Variants in ARHGAP21 observed in about 807,000 individuals in gnomAD.
The protein encoded by ARHGAP21 is Rho GTPase activating protein 21.
A neutral mutation model predicts 164.6 loss-of-function variants in ARHGAP21; 38 were observed. The observed-to-expected ratio is 0.23, with a 90% CI of 0.18 to 0.30. The LOEUF is 0.30. ARHGAP21 is among the 10% of genes least tolerant of loss of function. ARHGAP21 has a pLI of 1.00. For synonymous variants in ARHGAP21, 766 were observed against 857.9 expected, an observed-to-expected ratio of 0.89 and a Z score of 1.87; for missense variants, 1,822 against 2,370.7, an observed-to-expected ratio of 0.77 and a Z score of 4.81.
At chr10:24,630,773 G>A (rs1010027453) in intron 6 of ARHGAP21, among the ~76,000 whole-genome samples, 1 of 152,142 alleles carries the variant, frequency 6.6e-6, no homozygotes. Flanking sequence ...GATTACAGGC[G>A]TGAGCCACTG....
At chr10:24,601,017 T>TG (rs1307883013) in intron 13 of ARHGAP21, 87 bp from the exon 14 acceptor site, 2 of 1,442,904 alleles carry the variant, frequency 1.4e-6, no homozygotes, top group Non-Finnish European at 1.9e-6. Context: ...ACCCTTCCTC[T>TG]GCATTTACAT....
At chr10:24,591,544 C>A in intron 23 of ARHGAP21, 98 bp downstream of exon 23, 4 of 1,465,226 alleles carry the variant, frequency 2.7e-6, no homozygotes, top group Non-Finnish European at 3.8e-6. Context: ...GGGCGCAAAG[C>A]GGACAATAGC....
At chr10:24,603,327 G>A (rs1452289761) in intron 12 of ARHGAP21, among the ~76,000 whole-genome samples, 1 of 152,166 alleles carries the variant, frequency 6.6e-6, no homozygotes, top group East Asian at 1.9e-4. Context: ...GAATACCAGC[G>A]AGGGCTCTAG....
intron 2 of ARHGAP21, among the ~76,000 whole-genome samples, chr10:24,720,207 G>A (rs1443787254): frequency 7.2e-6 from 1 of 138,216 alleles, no homozygotes; most frequent in Non-Finnish European, 1.5e-5. Context: ...GCTAGCCAAG[G>A]ACAAGATGTG....
intron 3 of ARHGAP21, among the ~76,000 whole-genome samples, chr10:24,667,517 A>G (rs1396793001): frequency 6.6e-6 from 1 of 152,198 alleles, no homozygotes; most frequent in Non-Finnish European, 1.5e-5. Context: ...TCAATTTTGA[A>G]GTTTATCTAC....
Position 24,619,903 on chromosome 10 carries a change from C to T in ARHGAP21, c.1992G>A (p.Gln664=). 1 of 1,614,190 alleles carries T rather than the reference C, an allele frequency of 6.2e-7. No homozygotes were observed. Among genetic ancestry groups the T allele is most frequent in the Non-Finnish European group, 8.5e-7 (1 of 1,180,042 alleles). The change falls in exon 9 of 26, where the codon CAG becomes CAA. Residue 664 remains glutamine, a synonymous_variant. Transcript: ENST00000396432. ...GGGCACTGTCAGTCCTTACCCATGT[C>T]TGCTGATTCAACAGACTGTTCTGAT... The part of the protein sequence containing the change: ...HLHQNSLLNQ[Q]TWVRTDSAPD...
At chr10:24,614,361 A>T (rs2077387591) in intron 9 of ARHGAP21, among the ~76,000 whole-genome samples, 1 of 152,234 alleles carries the variant, frequency 6.6e-6, no homozygotes, top group South Asian at 2.1e-4. Flanking sequence ...TTATGTAAAC[A>T]TATAAAACAT....
At chr10:24,622,021 T>A (rs1268825603) in intron 8 of ARHGAP21, among the ~76,000 whole-genome samples, 3 of 152,196 alleles carry the variant, frequency 2.0e-5, no homozygotes, top group Non-Finnish European at 4.4e-5. Flanking sequence ...TCGTTCTGTA[T>A]ATAATTTATA....
At chr10:24,603,901 C>T (rs2076916268) in intron 12 of ARHGAP21, among the ~76,000 whole-genome samples, 1 of 152,006 alleles carries the variant, frequency 6.6e-6, no homozygotes, top group South Asian at 2.1e-4. Flanking sequence ...GAGGCTGAGG[C>T]AGGAGAATCG....
chr10:24,685,870 A>G (rs544438925), intron 2 of ARHGAP21, among the ~76,000 whole-genome samples: 1 of 152,212 alleles, frequency 6.6e-6, no homozygotes, highest in Admixed American at 6.5e-5. Flanking sequence ...ACTCACTAAC[A>G]TTATTTTCAA....
intron 2 of ARHGAP21, among the ~76,000 whole-genome samples, chr10:24,718,292 C>T (rs760160717): frequency 1.3e-5 from 2 of 152,174 alleles, no homozygotes; most frequent in African/African-American, 2.4e-5. Context: ...GATGAGTTTG[C>T]AATGCCTGGG....
chr10:24,659,052 T>C (rs1225995303), intron 4 of ARHGAP21, among the ~76,000 whole-genome samples: 1 of 152,180 alleles, frequency 6.6e-6, no homozygotes, highest in East Asian at 1.9e-4. Context: ...TTGGAGAGGA[T>C]GTACAGAAAT....
chr10:24,595,096 AAAATAT>A lies in ARHGAP21; in HGVS notation c.3786+15_3786+20del. On this transcript the variant is annotated intron_variant, in intron 20 of 25. Coordinates refer to ENST00000396432, the MANE Select transcript of ARHGAP21 (RefSeq NM_020824.4). ...AGGCTGAATTTTAGTTGTATCCCCC[AAAATAT>A]AAAATAATACCTACTAGTCTTTTTA... 1 of 1,607,340 alleles carries A rather than the reference AAAATAT, an allele frequency of 6.2e-7. No homozygotes were observed. The highest frequency in any genetic ancestry group is 8.5e-7 in the Non-Finnish European group (1 of 1,175,640).
At chr10:24,641,322 C>G (rs1018223270) in intron 4 of ARHGAP21, among the ~76,000 whole-genome samples, 4 of 152,172 alleles carry the variant, frequency 2.6e-5, no homozygotes, top group Admixed American at 2.0e-4. Flanking sequence ...AGGAGAGAAG[C>G]ACTAAGAAAG....
intron 2 of ARHGAP21, among the ~76,000 whole-genome samples, chr10:24,694,613 G>A (rs549794838): frequency 7.1e-4 from 108 of 152,274 alleles, no homozygotes; most frequent in African/African-American, 2.5e-3. Context: ...ATGTGGCTCC[G>A]CTGGCAGAAG....
chr10:24,703,950 T>C (rs974428216), intron 2 of ARHGAP21, among the ~76,000 whole-genome samples: 2 of 152,216 alleles, frequency 1.3e-5, no homozygotes, highest in Non-Finnish European at 2.9e-5. Context: ...TCTCACTATT[T>C]TGAAAACCTT....
At chr10:24,667,755 G>GTT (rs547781189) in intron 3 of ARHGAP21, among the ~76,000 whole-genome samples, 1 of 145,674 alleles carries the variant, frequency 6.9e-6, no homozygotes. Flanking sequence ...GCTGCCCAAT[G>GTT]TTTTTTTTTT....
In ARHGAP21 at chr10:24,595,702, C is replaced by CGGGAG. The variant is rs1564968780; in HGVS notation, c.3712+10_3712+14dup. On this transcript the variant is annotated intron_variant, in intron 19 of 25. Coordinates refer to ENST00000396432, the MANE Select transcript of ARHGAP21 (RefSeq NM_020824.4). ...GAACCATTTCATCTGGTATCTTTCA[C>CGGGAG]GGGAGTTAACTCACCATTTGTGAAG... 6 of 1,602,330 alleles carry CGGGAG rather than the reference C, an allele frequency of 3.7e-6. No individual in the cohort carries two copies. Among genetic ancestry groups the CGGGAG allele is most frequent in the Non-Finnish European group, 5.1e-6 (6 of 1,171,730 alleles).
intron 2 of ARHGAP21, among the ~76,000 whole-genome samples, chr10:24,689,410 G>A (rs562147578): frequency 1.3e-5 from 2 of 152,060 alleles, no homozygotes; most frequent in South Asian, 2.1e-4. Flanking sequence ...TCAATACTTC[G>A]AGACATATAC....
Sources: gnomAD v4.1 joint callset for allele counts (sites outside exome capture counted in the v4.1 genomes callset) on GRCh38, gnomAD v4.1.1 for gene constraint, MANE v1.5 for transcripts, NCBI Gene and HGNC (gene_info 2026-07-23, HGNC 2026-07-21) for gene names.